The following PCBP3 variants were observed in gnomAD, a reference collection of about 807,000 sequenced individuals.
PCBP3 encodes poly(rC) binding protein 3.
A neutral mutation model predicts 52.7 loss-of-function variants in PCBP3; 25 were observed. That is an observed-to-expected ratio of 0.47 (90% confidence interval 0.35 to 0.66). The LOEUF (loss-of-function observed/expected upper bound fraction) is 0.66, where lower values mean the gene tolerates loss of function less well. PCBP3 is among the 30% of genes least tolerant of loss of function. PCBP3 has a pLI of 0.01. For missense variants in PCBP3, 391 were observed against 490.3 expected, an observed-to-expected ratio of 0.80 and a Z score of 1.91; for synonymous variants, 162 against 183.0, an observed-to-expected ratio of 0.89 and a Z score of 0.93.
At chr21:45,886,637 A>G (rs141601741) in intron 5 of PCBP3, among the ~76,000 whole-genome samples, 1,379 of 13,460 alleles carry the variant, frequency 0.1, 50 homozygotes, top group African/African-American at 0.29. Flanking sequence ...TGCCCCGGGT[A>G]CCAAGGGCAG....
chr21:45,849,549 C>T (rs538812614), intron 4 of PCBP3, among the ~76,000 whole-genome samples: 19 of 152,116 alleles, frequency 1.2e-4, no homozygotes, highest in African/African-American at 4.6e-4. Flanking sequence ...TAAGACCATG[C>T]TGAAATTGAA....
At chr21:45,898,711 G>A (rs189938728) in intron 6 of PCBP3, among the ~76,000 whole-genome samples, 1 of 52,292 alleles carries the variant, frequency 1.9e-5, no homozygotes, top group African/African-American at 1.5e-4. Context: ...CGTCCTCACG[G>A]CCTCCCTCTG....
chr21:45,700,973 G>A (rs1363771477), intron 2 of PCBP3, among the ~76,000 whole-genome samples: 1 of 152,154 alleles, frequency 6.6e-6, no homozygotes, highest in Non-Finnish European at 1.5e-5. Flanking sequence ...CCCCTTCTCA[G>A]AACAGCACAG....
At chr21:45,645,487 T>C (rs2079194056) in intron 1 of PCBP3, among the ~76,000 whole-genome samples, 1 of 152,218 alleles carries the variant, frequency 6.6e-6, no homozygotes, top group East Asian at 1.9e-4. Flanking sequence ...AAAACATCAC[T>C]TTCCCAGATA....
At chr21:45,710,050 G>A (rs1267457601) in intron 2 of PCBP3, among the ~76,000 whole-genome samples, 6 of 152,206 alleles carry the variant, frequency 3.9e-5, no homozygotes, top group Non-Finnish European at 8.8e-5. Context: ...TGTCAAGGAA[G>A]CTCACTGTCA....
chr21:45,738,257 GTTT>G (rs1272471500), intron 3 of PCBP3, among the ~76,000 whole-genome samples: 1 of 139,936 alleles, frequency 7.1e-6, no homozygotes, highest in Non-Finnish European at 1.6e-5. Context: ...GCTTCTTAGA[GTTT>G]TTTTTTTTTT....
At chr21:45,783,618 A>C (rs2090817599) in intron 4 of PCBP3, among the ~76,000 whole-genome samples, 1 of 152,188 alleles carries the variant, frequency 6.6e-6, no homozygotes, top group Non-Finnish European at 1.5e-5. Flanking sequence ...ACGGGATTTT[A>C]ACGTTGCAAG....
chr21:45,900,776 C>T (rs528503214), intron 8 of PCBP3, among the ~76,000 whole-genome samples, 153 bp downstream of exon 8: 1 of 152,318 alleles, frequency 6.6e-6, no homozygotes, highest in African/African-American at 2.4e-5. Flanking sequence ...CTACTCAGGC[C>T]TCCTGTGCTC....
intron 5 of PCBP3, among the ~76,000 whole-genome samples, chr21:45,889,941 T>C (rs952058534): frequency 6.6e-6 from 1 of 152,280 alleles, no homozygotes; most frequent in African/African-American, 2.4e-5. Context: ...GAGGCCTGTT[T>C]CTGCTCTGTC....
rs866761727 is a variant in PCBP3 at position 45,908,324 on chromosome 21, C to G, written c.340-1031C>G. Among the ~76,000 whole-genome samples, 22 of 152,162 alleles carry G rather than the reference C, an allele frequency of 1.4e-4. 1 individual carries two copies. The highest frequency in any genetic ancestry group is 3.3e-4 in the Admixed American group (5 of 15,282). On this transcript the variant is annotated intron_variant, in intron 9 of 17. Coordinates refer to ENST00000681687, the MANE Select transcript of PCBP3 (RefSeq NM_001384156.1). ...TGTGCCTCAGGTCCCTAACCCGACA[C>G]CTTGACACACAGAGCCTCTCCCCAG...
At chr21:45,850,969 A>C (rs1179282703) in intron 5 of PCBP3, among the ~76,000 whole-genome samples, 1 of 152,256 alleles carries the variant, frequency 6.6e-6, no homozygotes, top group African/African-American at 2.4e-5. Flanking sequence ...TTTAGGGCTG[A>C]GTGATTATGA....
intron 4 of PCBP3, among the ~76,000 whole-genome samples, chr21:45,794,668 G>A (rs1274283857): frequency 3.9e-5 from 6 of 152,230 alleles, no homozygotes; most frequent in African/African-American, 7.2e-5. Flanking sequence ...AATGGCTCAC[G>A]CCTGTAATCC....
In PCBP3 at chr21:45,853,988, A is replaced by G. The variant is rs2094160227; in HGVS notation, c.10+3893A>G. On this transcript the variant is annotated intron_variant, in intron 5 of 17. Transcript: ENST00000681687. The surrounding 1 kb of genome is among the most constrained non-coding windows in gnomAD (Gnocchi z 4.6). Reference sequence around the variant, plus strand: ...TCAGCCTCTGTGCACGAGGCTAGGAAGAGAAGAGATTTCCAAAAAGGTAAG... The same window carrying G: ...TCAGCCTCTGTGCACGAGGCTAGGAGGAGAAGAGATTTCCAAAAAGGTAAG... The G allele has an allele frequency of 6.6e-6, 1 of 152,038 alleles. No homozygotes were observed. The highest frequency in any genetic ancestry group is 2.4e-5 in the African/African-American group (1 of 41,388). The allele number at this position is 152,038 out of a possible 1,614,324, so 9.4% of individuals were successfully genotyped here. A position where few individuals can be genotyped will look rare whatever the true frequency, so the allele number is the denominator to read the frequency against.
intron 2 of PCBP3, among the ~76,000 whole-genome samples, chr21:45,685,531 CT>C (rs1482038053): frequency 6.6e-6 from 1 of 152,146 alleles, no homozygotes; most frequent in African/African-American, 2.4e-5. Context: ...AACCAGAAAA[CT>C]GGAAAAATAT....
intron 4 of PCBP3, among the ~76,000 whole-genome samples, chr21:45,773,634 AC>A (rs2090043461): frequency 6.6e-6 from 1 of 152,202 alleles, no homozygotes. Context: ...TGTTCTGGTT[AC>A]TGTACCCTTG....
chr21:45,654,338 A>ATTTTTTT (rs398036499), intron 1 of PCBP3, among the ~76,000 whole-genome samples: 5 of 109,392 alleles, frequency 4.6e-5, no homozygotes, highest in Non-Finnish European at 7.2e-5. Context: ...TAGACATTGC[A>ATTTTTTT]TTTTTTTTTT....
At chr21:45,908,705 C>T (rs770591007) in intron 9 of PCBP3, among the ~76,000 whole-genome samples, 5 of 152,174 alleles carry the variant, frequency 3.3e-5, no homozygotes, top group South Asian at 2.1e-4. Flanking sequence ...AGCCTGGACA[C>T]GCCCCATGCG....
chr21:45,852,690 C>T (rs567184449), intron 5 of PCBP3, among the ~76,000 whole-genome samples: 33 of 151,710 alleles, frequency 2.2e-4, no homozygotes, highest in Non-Finnish European at 3.5e-4. Context: ...AGAAGGAACA[C>T]AGCCCTGCAG....
rs1200942264 is a variant in PCBP3, at chr21:45,829,748, G to A, written c.-125-20213G>A. On this transcript the variant is annotated intron_variant, in intron 4 of 17. Coordinates refer to ENST00000681687, the MANE Select transcript of PCBP3 (RefSeq NM_001384156.1). The surrounding 1 kb of genome is among the most constrained non-coding windows in gnomAD (Gnocchi z 5.2). ...CCGCTGTTCCTCCACAGGCTGCCCA[G>A]GCACCCTGCAGGGCCCTCCCCACCT... 2 of 152,334 alleles carry A rather than the reference G, an allele frequency of 1.3e-5. No individual in the cohort carries two copies. Among genetic ancestry groups the A allele is most frequent in the African/African-American group, 4.8e-5 (2 of 41,464 alleles). 9.4% of individuals were successfully genotyped at this position (152,334 alleles called of 1,614,324 possible).
Sources: allele counts gnomAD v4.1 joint callset (sites outside exome capture counted in the v4.1 genomes callset), GRCh38; gene constraint gnomAD v4.1.1; non-coding constraint Gnocchi (gnomAD v3.1); transcripts MANE v1.5; gene names NCBI Gene and HGNC (gene_info 2026-07-23, HGNC 2026-07-21).